Variants in SH3PXD2A observed in about 807,000 individuals in gnomAD.
SH3PXD2A encodes SH3 and PX domains 2A.
A neutral mutation model predicts 115.2 loss-of-function variants in SH3PXD2A; 32 were observed. The observed-to-expected ratio is 0.28, with a 90% CI of 0.21 to 0.37. The LOEUF (loss-of-function observed/expected upper bound fraction) is 0.37, where lower values mean the gene tolerates loss of function less well. Among genes scored for constraint, SH3PXD2A ranks in the 10% least tolerant of loss-of-function variants. SH3PXD2A has a pLI of 1.00. For missense variants in SH3PXD2A, 1,328 were observed against 1,498.7 expected (o/e 0.89, Z 1.88); for synonymous variants, 610 against 629.1 (o/e 0.97, Z 0.45).
chr10:103,767,021 C>T (rs2038761907), intron 3 of SH3PXD2A, 73 bp downstream of exon 3: 4 of 1,144,782 alleles, frequency 3.5e-6, no homozygotes, highest in Non-Finnish European at 5.2e-6. Context: ...GCTTAGTACT[C>T]TTCTCGGCCT....
intron 1 of SH3PXD2A, among the ~76,000 whole-genome samples, chr10:103,815,310 T>C (rs2039312942): frequency 6.6e-6 from 1 of 151,752 alleles, no homozygotes; most frequent in Non-Finnish European, 1.5e-5. Context: ...CATTTGCAAA[T>C]ATTCTAGACA....
chr10:103,736,237 A>T (rs2038379252), intron 3 of SH3PXD2A, among the ~76,000 whole-genome samples: 1 of 152,188 alleles, frequency 6.6e-6, no homozygotes, highest in African/African-American at 2.4e-5. Flanking sequence ...GCTGGGCAGG[A>T]ATTCCTATTC....
intron 4 of SH3PXD2A, 139 bp from the exon 5 acceptor site, chr10:103,724,500 C>T: frequency 3.8e-6 from 2 of 529,292 alleles, no homozygotes; most frequent in Admixed American, 4.2e-5. Flanking sequence ...CAGCCACCCA[C>T]CTGTCCACCC....
intron 8 of SH3PXD2A, 128 bp downstream of exon 8, chr10:103,660,855 G>A (rs1330634555): frequency 9.4e-7 from 1 of 1,064,136 alleles, no homozygotes; most frequent in African/African-American, 1.6e-5. Flanking sequence ...CAGCCGCCTC[G>A]GCCCTCTCTC....
At chr10:103,733,043 G>A (rs2038340527) in intron 4 of SH3PXD2A, among the ~76,000 whole-genome samples, 1 of 152,260 alleles carries the variant, frequency 6.6e-6, no homozygotes, top group East Asian at 1.9e-4. Flanking sequence ...CAGAATTAAA[G>A]GTCACTCTGT....
Position 103,666,453 on chromosome 10 carries a change from T to C in SH3PXD2A, c.472+2155A>G, listed in dbSNP as rs2037384765. On this transcript the variant is annotated intron_variant, in intron 7 of 14. Transcript: ENST00000369774. This position sits in a 1 kb window ranked among gnomAD's most constrained non-coding sequence, Gnocchi z 4.5. ...TTCTGTTCCCTCCTGGACTTTATGTTGGGCATTGCTCCCCAACCAAAGTAT... is the reference window on the plus strand; with the variant it reads ...TTCTGTTCCCTCCTGGACTTTATGTCGGGCATTGCTCCCCAACCAAAGTAT... 6.6e-6 allele frequency among the ~76,000 whole-genome samples: 1 copy of C among 152,222 alleles called. No homozygotes were observed. Among genetic ancestry groups the C allele is most frequent in the South Asian group, 2.1e-4 (1 of 4,838 alleles).
chr10:103,629,311 G>A (rs1055177570), intron 8 of SH3PXD2A, among the ~76,000 whole-genome samples: 8 of 152,232 alleles, frequency 5.3e-5, no homozygotes, highest in Admixed American at 1.3e-4. Context: ...GGCAGCAGCC[G>A]CTGGCAGGTC....
intron 9 of SH3PXD2A, among the ~76,000 whole-genome samples, chr10:103,626,255 C>T (rs1167223212): frequency 6.6e-6 from 1 of 152,266 alleles, no homozygotes; most frequent in Non-Finnish European, 1.5e-5. Context: ...TGGCACTTGG[C>T]GGCTGCTTAC....
At chr10:103,806,774 G>A (rs116386814) in intron 1 of SH3PXD2A, among the ~76,000 whole-genome samples, 1,919 of 152,288 alleles carry the variant, frequency 0.013, 49 homozygotes, top group African/African-American at 0.041. Flanking sequence ...GATGGTAGGC[G>A]TCTATGAAGG....
intron 1 of SH3PXD2A, among the ~76,000 whole-genome samples, chr10:103,826,312 T>G (rs1012682452): frequency 2.6e-5 from 4 of 152,184 alleles, no homozygotes; most frequent in Non-Finnish European, 5.9e-5. Flanking sequence ...GTGAGGATAC[T>G]TGGGCTCAGA....
intron 11 of SH3PXD2A, 79 bp from the exon 12 acceptor site, chr10:103,613,269 G>T: frequency 8.6e-7 from 1 of 1,161,536 alleles, no homozygotes; most frequent in East Asian, 2.4e-5. Flanking sequence ...GATCCATCTG[G>T]CCTTGCCCAG....
chr10:103,692,576 C>T (rs1284155985), intron 6 of SH3PXD2A, among the ~76,000 whole-genome samples: 2 of 152,244 alleles, frequency 1.3e-5, no homozygotes, highest in Non-Finnish European at 2.9e-5. Flanking sequence ...TCAATTTCAC[C>T]TTCTCGCAGG....
At chr10:103,727,496 CAA>C (rs982013752) in intron 4 of SH3PXD2A, among the ~76,000 whole-genome samples, 1 of 152,108 alleles carries the variant, frequency 6.6e-6, no homozygotes, top group African/African-American at 2.4e-5. Context: ...CGGCTCTGTG[CAA>C]AGTCATTGCC....
At chr10:103,721,467 AAT>A (rs1327145863) in intron 5 of SH3PXD2A, among the ~76,000 whole-genome samples, 2 of 152,232 alleles carry the variant, frequency 1.3e-5, no homozygotes, top group African/African-American at 4.8e-5. Context: ...AGGCTAACTT[AAT>A]GCCATGAATG....
At chr10:103,820,355 G>A (rs1312438729) in intron 1 of SH3PXD2A, among the ~76,000 whole-genome samples, 2 of 152,118 alleles carry the variant, frequency 1.3e-5, no homozygotes, top group Non-Finnish European at 2.9e-5. Flanking sequence ...GTCCCCTCAG[G>A]AGGGGAAGAA....
intron 8 of SH3PXD2A, among the ~76,000 whole-genome samples, chr10:103,632,868 G>A (rs1320202311): frequency 4.0e-5 from 6 of 151,836 alleles, no homozygotes; most frequent in African/African-American, 7.3e-5. Context: ...CAAGTAACTC[G>A]AGAGGCTGAG....
intron 1 of SH3PXD2A, among the ~76,000 whole-genome samples, chr10:103,805,741 G>A (rs994926672): frequency 2.0e-5 from 3 of 150,644 alleles, no homozygotes; most frequent in Non-Finnish European, 4.4e-5. Flanking sequence ...AAAAATAAAA[G>A]GGCAGGGCGC....
At chr10:103,640,595 G>A (rs1269087600) in intron 8 of SH3PXD2A, among the ~76,000 whole-genome samples, 1 of 152,182 alleles carries the variant, frequency 6.6e-6, no homozygotes, top group Non-Finnish European at 1.5e-5. Context: ...GCAATCGTGG[G>A]AGACATGGAG....
At chr10:103,780,078 C>T (rs1406193249) in intron 2 of SH3PXD2A, among the ~76,000 whole-genome samples, 5 of 152,346 alleles carry the variant, frequency 3.3e-5, no homozygotes, top group Middle Eastern at 3.4e-3. Context: ...CTGGCCACTA[C>T]GGGATCAAAT....
Sources: allele counts gnomAD v4.1 joint callset (sites outside exome capture counted in the v4.1 genomes callset), GRCh38; gene constraint gnomAD v4.1.1; non-coding constraint Gnocchi (gnomAD v3.1); transcripts MANE v1.5; gene names NCBI Gene and HGNC (gene_info 2026-07-23, HGNC 2026-07-21).